The following ETV1 variants were observed in gnomAD, a reference collection of about 807,000 sequenced individuals.
ETV1 encodes the protein ETS variant transcription factor 1, also known as ETS translocation variant 1.
In ETV1, 27 loss-of-function variants were observed where a neutral mutation model predicts 62.3. That is an observed-to-expected ratio of 0.43 (90% CI 0.32 to 0.60). ETV1 has a LOEUF of 0.60. Ranked by LOEUF, ETV1 falls within the 20% of genes least tolerant of loss-of-function variation. The probability of loss-of-function intolerance (pLI) is 0.06; values close to 1 mark genes in which losing one functional copy is unlikely to be tolerated. For synonymous variants in ETV1, 222 were observed against 199.6 expected (o/e 1.11, Z -0.94); for missense variants, 605 against 605.8 (o/e 1.00, Z 0.01).
rs1232276202 is a variant in ETV1, at chr7:13,930,488, A to AT, written c.802+1013dup. Among the ~76,000 whole-genome samples, 38 of 151,856 alleles carry AT rather than the reference A, an allele frequency of 2.5e-4. 1 individual carries two copies. Among genetic ancestry groups the AT allele is most frequent in the East Asian group, 9.8e-4 (5 of 5,104 alleles). On this transcript the variant is annotated intron_variant, in intron 9 of 13. Coordinates refer to ENST00000430479, the MANE Select transcript of ETV1 (RefSeq NM_004956.5). ...AGGCACGTGCCAGCATGCCCGGTTAATTTTTTGTGTTTTTAGTACAGACAG... is the reference window on the plus strand; with the variant it reads ...AGGCACGTGCCAGCATGCCCGGTTAATTTTTTTGTGTTTTTAGTACAGACAG...
At chr7:13,974,348 G>T (rs1781193495) in intron 6 of ETV1, among the ~76,000 whole-genome samples, 1 of 152,238 alleles carries the variant, frequency 6.6e-6, no homozygotes, top group South Asian at 2.1e-4. Flanking sequence ...GGGCACTGGA[G>T]TAGCAAGAGT....
chr7:13,957,064 CTATT>C (rs1221663290), intron 6 of ETV1, among the ~76,000 whole-genome samples: 8 of 151,704 alleles, frequency 5.3e-5, no homozygotes, highest in African/African-American at 1.2e-4. Context: ...CCTAAGTCAC[CTATT>C]TATTTATTTA....
At chr7:13,962,754 ACTCCACC>A (rs1272208828) in intron 6 of ETV1, among the ~76,000 whole-genome samples, 1 of 152,048 alleles carries the variant, frequency 6.6e-6, no homozygotes, top group African/African-American at 2.4e-5. Context: ...GGGATTGCCC[ACTCCACC>A]CTTGCTTTCC....
At chr7:13,972,150 T>C (rs1263341176) in intron 6 of ETV1, among the ~76,000 whole-genome samples, 1 of 151,890 alleles carries the variant, frequency 6.6e-6, no homozygotes, top group African/African-American at 2.4e-5. Context: ...TTAAAATATA[T>C]GATTTAAGGC....
chr7:13,989,192 T>C (rs1175288317), intron 2 of ETV1, 53 bp from the exon 3 acceptor site: 3 of 693,976 alleles, frequency 4.3e-6, no homozygotes, highest in African/African-American at 3.7e-5. Context: ...TGAATGAAGC[T>C]CTTGAATTTG....
rs779524119 is a variant in ETV1 at position 13,911,249 on chromosome 7, G to T, written c.861C>A (p.Ser287Arg). The T allele has an allele frequency of 6.2e-7, 1 of 1,611,990 alleles. No homozygotes were observed. The highest frequency in any genetic ancestry group is 8.5e-7 in the Non-Finnish European group (1 of 1,178,322). Reference sequence around the variant, plus strand: ...TGGTGGACAACTTAACTTCTGTTCTGCTGGGATGAGCCAGGAAGCCTTCTT... The same window carrying T: ...TGGTGGACAACTTAACTTCTGTTCTTCTGGGATGAGCCAGGAAGCCTTCTT... The part of the protein sequence containing the change: ...MRQEGFLAHP[S>R]RTEGCMFEKG... Residue 287 changes from serine to arginine, a missense_variant, in exon 10 of 14, where the codon AGC becomes AGA. Coordinates refer to ENST00000430479, the MANE Select transcript of ETV1 (RefSeq NM_004956.5).
At chr7:13,976,166 G>A (rs540664254) in intron 6 of ETV1, among the ~76,000 whole-genome samples, 5 of 152,116 alleles carry the variant, frequency 3.3e-5, no homozygotes, top group South Asian at 2.1e-4. Flanking sequence ...TTTTCTTCTC[G>A]GATCAAAAAT....
At chr7:13,930,936 G>A (rs1786057553) in intron 9 of ETV1, among the ~76,000 whole-genome samples, 2 of 151,966 alleles carry the variant, frequency 1.3e-5, no homozygotes, top group Middle Eastern at 3.4e-3. Context: ...GAGTAGCTGG[G>A]ACTACAGGCA....
At chr7:13,896,743 G>GAAAAGAAA (rs144984792) in intron 13 of ETV1, among the ~76,000 whole-genome samples, 1 of 115,302 alleles carries the variant, frequency 8.7e-6, no homozygotes, top group Non-Finnish European at 1.7e-5. Flanking sequence ...AAGAAAGAAA[G>GAAAAGAAA]GAAAGAAAGA....
Position 13,893,513 on chromosome 7 carries a change from T to A in ETV1, c.*2353A>T, listed in dbSNP as rs183001969. ...ATATAGTTTGTCCTTAAATATTATATAACTAATACCATTTCTGCCATTGTT... is the reference window on the plus strand; with the variant it reads ...ATATAGTTTGTCCTTAAATATTATAAAACTAATACCATTTCTGCCATTGTT... On this transcript the variant is annotated 3_prime_UTR_variant, in exon 14 of 14. Transcript: ENST00000430479. The A allele has an allele frequency of 2.8e-3, 642 of 231,686 alleles. 1 individual carries two copies. The highest frequency in any genetic ancestry group is 4.3e-3 in the Non-Finnish European group (506 of 117,180). The allele number at this position is 231,686 out of a possible 1,614,324, so 14.4% of individuals were successfully genotyped here.
chr7:13,962,790 G>A (rs1359879609), intron 6 of ETV1, among the ~76,000 whole-genome samples: 5 of 152,016 alleles, frequency 3.3e-5, no homozygotes, highest in African/African-American at 9.7e-5. Flanking sequence ...ATTAGTTTGT[G>A]CATTATGTTA....
intron 11 of ETV1, among the ~76,000 whole-genome samples, chr7:13,907,340 C>G (rs936591683): frequency 6.6e-6 from 1 of 152,076 alleles, no homozygotes; most frequent in Non-Finnish European, 1.5e-5. Flanking sequence ...TTGAATTTAA[C>G]TTGCTATTGT....
rs771411323 is a variant in ETV1 at position 13,931,761 on chromosome 7, G to T, written c.555-12C>A. ...GCTGGCGGCGAAATCTAGGGAATAA[G>T]AGAGTGTGTTTCAGATGAAACGGTA... On this transcript the variant is annotated splice_polypyrimidine_tract_variant and intron_variant, in intron 8 of 13. Transcript: ENST00000430479. 6.2e-7 allele frequency: 1 copy of T among 1,612,636 alleles called. No individual in the cohort carries two copies.
chr7:13,915,922 G>A (rs930557448), intron 9 of ETV1, among the ~76,000 whole-genome samples: 9 of 152,110 alleles, frequency 5.9e-5, no homozygotes, highest in South Asian at 2.1e-4. Flanking sequence ...AGCTCAATGT[G>A]AATATAACAT....
At chr7:13,986,564 C>T in intron 5 of ETV1, 74 bp downstream of exon 5, 1 of 1,598,522 alleles carries the variant, frequency 6.3e-7, no homozygotes, top group Non-Finnish European at 8.5e-7. Context: ...AATATTAAGA[C>T]AGCAAGTTCA....
chr7:13,955,526 C>T (rs570179228), intron 6 of ETV1, among the ~76,000 whole-genome samples: 1 of 152,216 alleles, frequency 6.6e-6, no homozygotes, highest in South Asian at 2.1e-4. Flanking sequence ...ATTGCCAATA[C>T]AACAAGAAGC....
chr7:13,930,605 G>T (rs62454582), intron 9 of ETV1, among the ~76,000 whole-genome samples: 3 of 151,144 alleles, frequency 2.0e-5, no homozygotes, highest in South Asian at 2.1e-4. Context: ...ACAGGCGTGA[G>T]CCACCAGACT....
intron 8 of ETV1, among the ~76,000 whole-genome samples, chr7:13,933,338 G>A (rs1301868433): frequency 6.6e-6 from 1 of 152,168 alleles, no homozygotes; most frequent in South Asian, 2.1e-4. Context: ...ATTCTTAGGA[G>A]CCACTGACCA....
At chr7:13,943,527 GA>G (rs1304124809) in intron 6 of ETV1, among the ~76,000 whole-genome samples, 2 of 151,944 alleles carry the variant, frequency 1.3e-5, no homozygotes, top group Non-Finnish European at 2.9e-5. Flanking sequence ...ATACATCCAA[GA>G]AAAAAGGGTG....
Sources: allele counts gnomAD v4.1 joint callset (sites outside exome capture counted in the v4.1 genomes callset), GRCh38; gene constraint gnomAD v4.1.1; transcripts MANE v1.5; gene names NCBI Gene and HGNC (gene_info 2026-07-23, HGNC 2026-07-21).